Variants in SCN2B observed in about 807,000 individuals in gnomAD.
The protein encoded by SCN2B is sodium channel regulatory subunit beta-2.
Under a neutral mutation model 18.2 loss-of-function variants are expected in SCN2B, and 14 were observed. The observed-to-expected ratio is 0.77, with a 90% CI of 0.51 to 1.21. SCN2B has a LOEUF of 1.21. Among genes scored for constraint, SCN2B ranks in the 50% most tolerant of loss-of-function variants. The pLI, the probability that SCN2B is intolerant of heterozygous loss-of-function variation, is 0.00. For missense variants in SCN2B, 262 were observed against 286.9 expected (o/e 0.91, Z 0.63); for synonymous variants, 115 against 115.3 (o/e 1.00, Z 0.02).
At position 118,166,981 on chromosome 11, in the gene SCN2B, C is replaced by A; in HGVS notation, c.554G>T (p.Arg185Ile). ...TGTGCTCAGCTTCTGCTCTTTTTTT[C>A]TCCTCACACACTTGACCACCATCAG... ...LVLMVVKCVR[R>I]KKEQKLSTDD... Residue 185 changes from arginine (R) to isoleucine (I), a missense_variant, in exon 4 of 4, where the codon AGA (arginine) becomes ATA (isoleucine). Coordinates refer to ENST00000278947, the MANE Select transcript of SCN2B (RefSeq NM_004588.5). The A allele has an allele frequency of 1.2e-6, 2 of 1,614,038 alleles. No individual in the cohort carries two copies. Among genetic ancestry groups the A allele is most frequent in the Non-Finnish European group, 1.7e-6 (2 of 1,179,998 alleles).
rs117329021 is a variant in SCN2B at position 118,164,421 on chromosome 11, C to T, written c.*2466G>A. On this transcript the variant is annotated 3_prime_UTR_variant, in exon 4 of 4. Coordinates refer to ENST00000278947, the MANE Select transcript of SCN2B (RefSeq NM_004588.5). ...GCAGGCATCCTGGCGGCTTAGCCCA[C>T]CCGCATTGGCAGTGTGTTGATTGGC... 0.019 allele frequency: 2,832 copies of T among 152,798 alleles called. 38 individuals carry two copies. The highest frequency in any genetic ancestry group is 0.03 in the Non-Finnish European group (2,013 of 68,042). 9.5% of individuals were successfully genotyped at this position (152,798 alleles called of 1,614,324 possible).
intron 1 of SCN2B, among the ~76,000 whole-genome samples, chr11:118,175,122 A>G (rs148811490): frequency 1.3e-5 from 2 of 152,370 alleles, no homozygotes; most frequent in African/African-American, 4.8e-5. Context: ...CAAGATACAC[A>G]GTGCCTGGGC....
At chr11:118,167,499 T>C (rs1242886123) in intron 3 of SCN2B, among the ~76,000 whole-genome samples, 3 of 152,228 alleles carry the variant, frequency 2.0e-5, no homozygotes, top group Non-Finnish European at 4.4e-5. Flanking sequence ...CTTAGCCCTA[T>C]GACTGAGACA....
intron 1 of SCN2B, among the ~76,000 whole-genome samples, chr11:118,176,105 C>T (rs980642917): frequency 7.9e-5 from 12 of 152,138 alleles, no homozygotes; most frequent in Non-Finnish European, 5.9e-5. Flanking sequence ...AGGGGAAATC[C>T]AGAGAAGATT....
Position 118,168,046 on chromosome 11 carries a change from G to C in SCN2B, c.448+39C>G. ...AATGCCGCAGAGAGTAGGTGGGTGGGAAAGGTCAGGGCCCCGCAGCTGGCA... is the reference window on the plus strand; with the variant it reads ...AATGCCGCAGAGAGTAGGTGGGTGGCAAAGGTCAGGGCCCCGCAGCTGGCA... On this transcript the variant is annotated intron_variant, in intron 3 of 3. Coordinates refer to ENST00000278947, the MANE Select transcript of SCN2B (RefSeq NM_004588.5). The surrounding 1 kb of genome is among the most constrained non-coding windows in gnomAD (Gnocchi z 4.7). 6.4e-7 allele frequency: 1 copy of C among 1,563,510 alleles called. No homozygotes were observed. Among genetic ancestry groups the C allele is most frequent in the South Asian group, 1.1e-5 (1 of 87,986 alleles).
chr11:118,163,463 C>A lies in SCN2B; in HGVS notation c.*3424G>T, dbSNP rs987400101. 5 of 152,648 alleles carry A rather than the reference C, an allele frequency of 3.3e-5. No homozygotes were observed. Among genetic ancestry groups the A allele is most frequent in the African/African-American group, 9.7e-5 (4 of 41,448 alleles). 9.5% of individuals were successfully genotyped at this position (152,648 alleles called of 1,614,324 possible). A position where few individuals can be genotyped will look rare whatever the true frequency, so the allele number is the denominator to read the frequency against. ...GAAACATGGATCCGATCAGCTTTTCCTTTTTATAAACTGGAAATAACTGTG... is the reference window on the plus strand; with the variant it reads ...GAAACATGGATCCGATCAGCTTTTCATTTTTATAAACTGGAAATAACTGTG... On this transcript the variant is annotated 3_prime_UTR_variant, in exon 4 of 4. Transcript: ENST00000278947.
chr11:118,166,790 G>A lies in SCN2B; in HGVS notation c.*97C>T, dbSNP rs984526509. 1 of 1,501,588 alleles carries A rather than the reference G, an allele frequency of 6.7e-7. No homozygotes were observed. Among genetic ancestry groups the A allele is most frequent in the Non-Finnish European group, 9.2e-7 (1 of 1,089,070 alleles). The allele number at this position is 1,501,588 out of a possible 1,614,324, so 93.0% of individuals were successfully genotyped here. On this transcript the variant is annotated 3_prime_UTR_variant, in exon 4 of 4. Coordinates refer to ENST00000278947, the MANE Select transcript of SCN2B (RefSeq NM_004588.5). ...CCCCAGGTGGGCCCTGGGGTCCTAG[G>A]TCACGGGAAGCACACCAAGAGCGAG...
In SCN2B at chr11:118,163,372, T is replaced by A. The variant is rs138926780; in HGVS notation, c.*3515A>T. ...TGGACCTGCCCAGTATTTTCAATTGTCTGTCTGCTTAACCTGACCTTGCAA... is the reference window on the plus strand; with the variant it reads ...TGGACCTGCCCAGTATTTTCAATTGACTGTCTGCTTAACCTGACCTTGCAA... On this transcript the variant is annotated 3_prime_UTR_variant, in exon 4 of 4. Transcript: ENST00000278947. 1 of 152,536 alleles carries A rather than the reference T, an allele frequency of 6.6e-6. No homozygotes were observed. The highest frequency in any genetic ancestry group is 2.4e-5 in the African/African-American group (1 of 41,454). 9.4% of individuals were successfully genotyped at this position (152,536 alleles called of 1,614,324 possible). A position where few individuals can be genotyped will look rare whatever the true frequency, so the allele number is the denominator to read the frequency against.
intron 1 of SCN2B, among the ~76,000 whole-genome samples, chr11:118,170,585 G>A (rs1330229026): frequency 6.6e-6 from 1 of 152,086 alleles, no homozygotes; most frequent in Non-Finnish European, 1.5e-5. Flanking sequence ...GGGGAGTATG[G>A]GGGCTGCTGG....
Position 118,168,359 on chromosome 11 carries a change from G to A in SCN2B, c.238-64C>T. The stretch of plus-strand genomic sequence containing the variant: ...AGCAAGGAACTACAAGGACAGTGAG[G>A]ATGCCCCCTCTTCCCATCCACCCTT... On this transcript the variant is annotated intron_variant, in intron 2 of 3. Coordinates refer to ENST00000278947, the MANE Select transcript of SCN2B (RefSeq NM_004588.5). The surrounding 1 kb of genome is among the most constrained non-coding windows in gnomAD (Gnocchi z 4.7). The A allele has an allele frequency of 2.7e-6, 4 of 1,461,858 alleles. No individual in the cohort carries two copies. Among genetic ancestry groups the A allele is most frequent in the East Asian group, 4.5e-5 (2 of 44,174 alleles). The allele number at this position is 1,461,858 out of a possible 1,614,324, so 90.6% of individuals were successfully genotyped here.
In SCN2B at chr11:118,168,314, A is replaced by G. The variant is rs1565463237; in HGVS notation, c.238-19T>C. 1 of 1,607,382 alleles carries G rather than the reference A, an allele frequency of 6.2e-7. No homozygotes were observed. ...GGAGGAACTGGGGTTGGAGCAAGGG[A>G]CAGGATGGGTGGCTGGATGAGCAAG... On this transcript the variant is annotated intron_variant, in intron 2 of 3. Coordinates refer to ENST00000278947, the MANE Select transcript of SCN2B (RefSeq NM_004588.5). This position sits in a 1 kb window ranked among gnomAD's most constrained non-coding sequence, Gnocchi z 4.7.
rs1565463083 is a variant in SCN2B, at chr11:118,168,027, G to A, written c.448+58C>T. ...CCCCAAAGTGCCCTGAGCAAATGCCGCAGAGAGTAGGTGGGTGGGAAAGGT... is the reference window on the plus strand; with the variant it reads ...CCCCAAAGTGCCCTGAGCAAATGCCACAGAGAGTAGGTGGGTGGGAAAGGT... On this transcript the variant is annotated intron_variant, in intron 3 of 3. Coordinates refer to ENST00000278947, the MANE Select transcript of SCN2B (RefSeq NM_004588.5). The surrounding 1 kb of genome is among the most constrained non-coding windows in gnomAD (Gnocchi z 4.7). The A allele has an allele frequency of 2.2e-5, 32 of 1,461,910 alleles. 1 individual carries two copies. The highest frequency in any genetic ancestry group is 2.8e-5 in the African/African-American group (2 of 71,786). The allele number at this position is 1,461,910 out of a possible 1,614,324, so 90.6% of individuals were successfully genotyped here.
At chr11:118,173,404 C>T (rs768482313) in intron 1 of SCN2B, among the ~76,000 whole-genome samples, 7 of 152,212 alleles carry the variant, frequency 4.6e-5, no homozygotes, top group Non-Finnish European at 8.8e-5. Flanking sequence ...GCATTAGCCT[C>T]GGTGACTGTT....
Position 118,176,346 on chromosome 11 carries a change from G to T in SCN2B, c.70+16C>A. The T allele has an allele frequency of 6.2e-7, 1 of 1,611,304 alleles. No homozygotes were observed. The highest frequency in any genetic ancestry group is 8.5e-7 in the Non-Finnish European group (1 of 1,177,828). Reference sequence around the variant, plus strand: ...ACTTCTGAACCCTCGGGAGCATGCAGATGTGTCTAACTTACCCAAAGAGAA... The same window carrying T: ...ACTTCTGAACCCTCGGGAGCATGCATATGTGTCTAACTTACCCAAAGAGAA... On this transcript the variant is annotated intron_variant, in intron 1 of 3. Coordinates refer to ENST00000278947, the MANE Select transcript of SCN2B (RefSeq NM_004588.5).
intron 1 of SCN2B, among the ~76,000 whole-genome samples, chr11:118,174,362 TA>T (rs905764686): frequency 2.0e-5 from 3 of 152,144 alleles, no homozygotes; most frequent in African/African-American, 7.2e-5. Context: ...TGTTTCTGGC[TA>T]AAACTAGCCT....
rs1948471045 is a variant in SCN2B at position 118,176,636 on chromosome 11, G to T, written c.-205C>A. 6.9e-6 allele frequency: 2 copies of T among 289,004 alleles called. No homozygotes were observed. The highest frequency in any genetic ancestry group is 4.6e-5 in the African/African-American group (2 of 43,122). 17.9% of individuals were successfully genotyped at this position (289,004 alleles called of 1,614,324 possible). On this transcript the variant is annotated 5_prime_UTR_variant, in exon 1 of 4. Transcript: ENST00000278947. ...TGCTAAAAAGAGAGAGAGAGGGAGT[G>T]TGTAAAGGAGAGAGAGAGAGATGGG...
rs1256398193 is a variant in SCN2B at position 118,163,185 on chromosome 11, A to G, written c.*3702T>C. 6.6e-6 allele frequency: 1 copy of G among 152,578 alleles called. No homozygotes were observed. Among genetic ancestry groups the G allele is most frequent in the Non-Finnish European group, 1.5e-5 (1 of 68,040 alleles). 9.5% of individuals were successfully genotyped at this position (152,578 alleles called of 1,614,324 possible). Reference sequence around the variant, plus strand: ...ATATCTATACCTAGAGAGAGAGACTATGTACAGTGCATCAGCAAGCTTCAA... The same window carrying G: ...ATATCTATACCTAGAGAGAGAGACTGTGTACAGTGCATCAGCAAGCTTCAA... On this transcript the variant is annotated 3_prime_UTR_variant, in exon 4 of 4. Coordinates refer to ENST00000278947, the MANE Select transcript of SCN2B (RefSeq NM_004588.5).
chr11:118,174,109 T>TG (rs1370373085), intron 1 of SCN2B, among the ~76,000 whole-genome samples: 4 of 133,040 alleles, frequency 3.0e-5, no homozygotes, highest in African/African-American at 1.2e-4. Flanking sequence ...TTTTTTTTTT[T>TG]TTTTTTTTTT....
In SCN2B at chr11:118,168,650, C is replaced by T; in HGVS notation, c.172G>A (p.Val58Met). The change falls in exon 2 of 4, where the codon GTG becomes ATG. Residue 58 changes from valine to methionine, a missense_variant. Transcript: ENST00000278947. This position sits in a 1 kb window ranked among gnomAD's most constrained non-coding sequence, Gnocchi z 4.7. ...TTCAGGGAGAACTGTTTGTGGTTCA[C>T]TGTGTAGCAGGAGTTGAAGGTGCAG... ...LPCTFNSCYT[V>M]NHKQFSLNWT... 1 of 1,614,268 alleles carries T rather than the reference C, an allele frequency of 6.2e-7. No homozygotes were observed. The highest frequency in any genetic ancestry group is 8.5e-7 in the Non-Finnish European group (1 of 1,180,050).
Sources: gnomAD v4.1 joint callset for allele counts (sites outside exome capture counted in the v4.1 genomes callset) on GRCh38, gnomAD v4.1.1 for gene constraint, Gnocchi (gnomAD v3.1) non-coding constraint, MANE v1.5 for transcripts, NCBI Gene and HGNC (gene_info 2026-07-23, HGNC 2026-07-21) for gene names.